The following SETX variants were observed in gnomAD, a reference collection of about 807,000 sequenced individuals.
The protein encoded by SETX is senataxin.
Under a neutral mutation model 227.2 loss-of-function variants are expected in SETX, and 90 were observed. That is an observed-to-expected ratio of 0.40 (90% CI 0.33 to 0.47). The LOEUF is 0.47. SETX is among the 20% of genes least tolerant of loss of function. The probability of loss-of-function intolerance (pLI) is 0.91; values close to 1 mark genes in which losing one functional copy is unlikely to be tolerated. For synonymous variants in SETX, 1,210 were observed against 1,113.2 expected (o/e 1.09, Z -1.73); for missense variants, 3,052 against 3,181.5 (o/e 0.96, Z 0.98).
At position 132,327,663 on chromosome 9, in the gene SETX, T is replaced by C. The variant is rs1399907626; in HGVS notation, c.3935A>G (p.Asp1312Gly). 4 of 1,613,788 alleles carry C rather than the reference T, an allele frequency of 2.5e-6. No homozygotes were observed. The African/African-American group carries it at 5.3e-5, about 22-fold the overall frequency. Residue 1312 changes from aspartate (D) to glycine (G), a missense_variant, in exon 10 of 26, where the codon GAT becomes GGT. Physicochemically the swap from Asp to Gly is moderately conservative, Grantham distance 94. This residue lies in a region of SETX where 1,483 missense variants were observed against 1,312.0 expected (regional missense o/e 1.13). Coordinates refer to ENST00000224140, the MANE Select transcript of SETX (RefSeq NM_015046.7). ...RSLDYVAQLRDHGKTVGVVDT... is the reference protein window; with the variant it reads ...RSLDYVAQLRGHGKTVGVVDT... ...AACTACTCCAACAGTTTTGCCATGA[T>C]CACGTAATTGAGCTACATAATCCAA...
intron 15 of SETX, among the ~76,000 whole-genome samples, chr9:132,290,895 T>C (rs1057372454): frequency 6.6e-6 from 1 of 152,130 alleles, no homozygotes; most frequent in African/African-American, 2.4e-5. Context: ...GGCTAAATTA[T>C]GCAATCATGT....
At chr9:132,325,343 G>A (rs898042487) in intron 10 of SETX, among the ~76,000 whole-genome samples, 8 of 151,770 alleles carry the variant, frequency 5.3e-5, no homozygotes, top group Admixed American at 1.3e-4. Context: ...GCGACAGAGC[G>A]AGACTCGTCT....
At chr9:132,266,598 C>G (rs1223822245) in intron 25 of SETX, among the ~76,000 whole-genome samples, 1 of 151,944 alleles carries the variant, frequency 6.6e-6, no homozygotes, top group African/African-American at 2.4e-5. Context: ...ATGGTGAAAC[C>G]CCGTCTCTAC....
chr9:132,295,217 G>A (rs1022698698), intron 15 of SETX, among the ~76,000 whole-genome samples: 2 of 152,140 alleles, frequency 1.3e-5, no homozygotes, highest in African/African-American at 4.8e-5. Flanking sequence ...TATCCCTCTA[G>A]TGTATTTAAC....
chr9:132,336,569 G>A, intron 5 of SETX, 54 bp from the exon 6 acceptor site: 1 of 1,256,620 alleles, frequency 8.0e-7, no homozygotes, highest in Non-Finnish European at 1.2e-6. Flanking sequence ...TCTACAAACA[G>A]CAAGAACACA....
chr9:132,284,271 A>G (rs1301763059), intron 18 of SETX, among the ~76,000 whole-genome samples: 1 of 152,228 alleles, frequency 6.6e-6, no homozygotes, highest in Non-Finnish European at 1.5e-5. Context: ...ACATCTGTGA[A>G]GATGGACTTC....
Position 132,329,318 on chromosome 9 carries a change from T to C in SETX, c.2280A>G (p.Thr760=), listed in dbSNP as rs752442895. ...CCTTTAAAGAGAAATCTTCATTCGA[T>C]GTGGACACTTTTTCCAAAGCATCAG... The part of the protein sequence containing the change: ...SSTDALEKVS[T]SNEDFSLKDD... Residue 760 remains threonine (T), a synonymous_variant, in exon 10 of 26, where the codon ACA becomes ACG. Transcript: ENST00000224140. 17 of 1,613,816 alleles carry C rather than the reference T, an allele frequency of 1.1e-5. No individual in the cohort carries two copies. The highest frequency in any genetic ancestry group is 8.8e-5 in the South Asian group (8 of 91,022).
rs1478465107 is a variant in SETX, at chr9:132,329,336, A to G, written c.2262T>C (p.Ala754=). ...CATTCGATGTGGACACTTTTTCCAAAGCATCAGTGCTAGAATCAGTCAACA... is the reference window on the plus strand; with the variant it reads ...CATTCGATGTGGACACTTTTTCCAAGGCATCAGTGCTAGAATCAGTCAACA... ...TRLLTDSSTD[A]LEKVSTSNED... Residue 754 remains alanine, a synonymous_variant, in exon 10 of 26, where the codon GCT becomes GCC. Coordinates refer to ENST00000224140, the MANE Select transcript of SETX (RefSeq NM_015046.7). The G allele has an allele frequency of 6.2e-7, 1 of 1,613,930 alleles. No homozygotes were observed. Among genetic ancestry groups the G allele is most frequent in the Admixed American group, 1.7e-5 (1 of 60,006 alleles).
chr9:132,330,031 A>G lies in SETX; in HGVS notation c.1567T>C (p.Leu523=), dbSNP rs773527698. The change falls in exon 10 of 26, where the codon TTG becomes CTG. Residue 523 remains leucine, a synonymous_variant. Transcript: ENST00000224140. ...ACAGAGTTAGATGGCATGGAATGCAATGACAGTGAAGATATCATTGCTGTT... is the reference window on the plus strand; with the variant it reads ...ACAGAGTTAGATGGCATGGAATGCAGTGACAGTGAAGATATCATTGCTGTT... ...KGTAMISSLS[L]HSMPSNSVQL... is the part of the protein sequence containing the mutation. The G allele has an allele frequency of 6.2e-7, 1 of 1,614,234 alleles. No individual in the cohort carries two copies. Among genetic ancestry groups the G allele is most frequent in the Non-Finnish European group, 8.5e-7 (1 of 1,180,022 alleles).
At chr9:132,309,411 ACATGCCTCAGT>A (rs2131345680) in intron 11 of SETX, among the ~76,000 whole-genome samples, 1 of 152,248 alleles carries the variant, frequency 6.6e-6, no homozygotes, top group East Asian at 1.9e-4. Flanking sequence ...AACCCAACCC[ACATGCCTCAGT>A]CAGAAACAAA....
At chr9:132,316,322 CAA>C (rs1845965774) in intron 10 of SETX, among the ~76,000 whole-genome samples, 1 of 152,176 alleles carries the variant, frequency 6.6e-6, no homozygotes, top group Non-Finnish European at 1.5e-5. Flanking sequence ...TGTCGATTTA[CAA>C]AAGTGCTTTG....
At chr9:132,280,294 T>C (rs1425603872) in intron 20 of SETX, among the ~76,000 whole-genome samples, 3 of 150,946 alleles carry the variant, frequency 2.0e-5, no homozygotes, top group Non-Finnish European at 4.4e-5. Flanking sequence ...ATTTTTTTTT[T>C]CTAATTTTTG....
intron 7 of SETX, among the ~76,000 whole-genome samples, chr9:132,334,374 G>C (rs1380264923): frequency 1.3e-5 from 2 of 152,186 alleles, no homozygotes; most frequent in Non-Finnish European, 2.9e-5. Context: ...CTTGAACCCA[G>C]GAGGTGGAGG....
intron 23 of SETX, among the ~76,000 whole-genome samples, chr9:132,274,706 A>G (rs1843071192): frequency 6.6e-6 from 1 of 152,028 alleles, no homozygotes; most frequent in South Asian, 2.1e-4. Flanking sequence ...TCAGCCTCCC[A>G]AAGTGCTGGG....
intron 12 of SETX, among the ~76,000 whole-genome samples, chr9:132,299,250 C>T (rs942960302): frequency 1.3e-5 from 2 of 152,166 alleles, no homozygotes; most frequent in Non-Finnish European, 2.9e-5. Context: ...GAAGGAAGTG[C>T]AGATGTCAGG....
In SETX at chr9:132,264,817, G is replaced by A. The variant is rs1458393847; in HGVS notation, c.7456C>T (p.Pro2486Ser). ...PPTIAPEGSR[P>S]QGGLPSSKLD... ...TTGCTGCTGGGCAAACCACCCTGGG[G>A]TCTGGACCCCTCTGGGGCTATGGTA... Residue 2486 changes from proline to serine, a missense_variant, in exon 26 of 26, where the codon CCC (proline) becomes TCC (serine). Physicochemically the swap from Pro to Ser is moderately conservative, Grantham distance 74. This residue lies in a region of SETX where 294 missense variants were observed against 278.8 expected (regional missense o/e 1.05). Transcript: ENST00000224140. The A allele has an allele frequency of 1.2e-6, 2 of 1,614,098 alleles. No homozygotes were observed. Among genetic ancestry groups the A allele is most frequent in the South Asian group, 1.1e-5 (1 of 91,092 alleles).
intron 4 of SETX, among the ~76,000 whole-genome samples, chr9:132,345,570 G>T (rs182270375): frequency 6.6e-6 from 1 of 152,102 alleles, no homozygotes; most frequent in East Asian, 1.9e-4. Context: ...CACCATGCCC[G>T]GCGAGAATGA....
intron 11 of SETX, among the ~76,000 whole-genome samples, chr9:132,304,890 G>A (rs1409169974): frequency 6.6e-6 from 1 of 151,954 alleles, no homozygotes. Flanking sequence ...CCAGCTGCTT[G>A]GGAGGCTGAG....
chr9:132,295,550 A>T (rs1844618184), intron 15 of SETX, among the ~76,000 whole-genome samples: 1 of 151,934 alleles, frequency 6.6e-6, no homozygotes. Flanking sequence ...CCCTCACACA[A>T]CTGAATCAGG....
Sources: allele counts gnomAD v4.1 joint callset (sites outside exome capture counted in the v4.1 genomes callset), GRCh38; gene constraint gnomAD v4.1.1; regional missense constraint gnomAD v4.1.1; transcripts MANE v1.5; gene names NCBI Gene and HGNC (gene_info 2026-07-23, HGNC 2026-07-21).